Variants in LIMCH1 observed in about 807,000 individuals in gnomAD.
LIMCH1 encodes the protein LIM and calponin homology domains-containing protein 1.
In LIMCH1, 113 loss-of-function variants were observed where a neutral mutation model predicts 176.5. That is an observed-to-expected ratio of 0.64 (90% CI 0.55 to 0.75). The LOEUF (loss-of-function observed/expected upper bound fraction) is 0.75, where lower values mean the gene tolerates loss of function less well. Among genes scored for constraint, LIMCH1 ranks in the 30% least tolerant of loss-of-function variants. The probability of loss-of-function intolerance (pLI) is 0.00; values close to 1 mark genes in which losing one functional copy is unlikely to be tolerated. For missense variants in LIMCH1, 1,674 were observed against 1,814.9 expected, an observed-to-expected ratio of 0.92 and a Z score of 1.41; for synonymous variants, 619 against 645.9, an observed-to-expected ratio of 0.96 and a Z score of 0.63.
At chr4:41,652,662 T>C (rs1489656413) in intron 18 of LIMCH1, among the ~76,000 whole-genome samples, 1 of 152,210 alleles carries the variant, frequency 6.6e-6, no homozygotes, top group Non-Finnish European at 1.5e-5. Flanking sequence ...TATTTCTCTT[T>C]TGCCATTTTT....
chr4:41,431,421 G>C (rs1582058938), intron 1 of LIMCH1, among the ~76,000 whole-genome samples: 2 of 152,310 alleles, frequency 1.3e-5, no homozygotes, highest in South Asian at 4.1e-4. Context: ...TCAGTGGCTT[G>C]TTGTGAGGGT....
At position 41,601,819 on chromosome 4, in the gene LIMCH1, T is replaced by A. The variant is rs182859506; in HGVS notation, c.-133-2056T>A. On this transcript the variant is annotated intron_variant, in intron 2 of 31. Transcript: ENST00000503057. ...GTTTAATTTGGCACTGTGCAGGGAA[T>A]GCTTGTAACATATGCAGATTTTGTA... is the stretch of plus-strand genomic sequence containing the variant. Among the ~76,000 whole-genome samples the A allele has an allele frequency of 1.8e-4, 28 of 152,296 alleles. 1 individual carries two copies. In the East Asian group the frequency reaches 4.8e-3, roughly 26 times the overall value.
At chr4:41,657,598 T>C (rs1358347947) in intron 18 of LIMCH1, among the ~76,000 whole-genome samples, 1 of 152,246 alleles carries the variant, frequency 6.6e-6, no homozygotes, top group East Asian at 1.9e-4. Context: ...GTGTATAAAG[T>C]ATTTTTAAGT....
intron 14 of LIMCH1, among the ~76,000 whole-genome samples, chr4:41,641,892 C>G (rs956693636): frequency 1.3e-5 from 2 of 152,224 alleles, no homozygotes; most frequent in African/African-American, 4.8e-5. Flanking sequence ...TTTTATTTAA[C>G]TAACTGGCTT....
chr4:41,676,590 GTCAGT>G, intron 23 of LIMCH1, 128 bp downstream of exon 23: 1 of 709,542 alleles, frequency 1.4e-6, no homozygotes, highest in Non-Finnish European at 2.5e-6. Flanking sequence ...TGAGTCTCAA[GTCAGT>G]TCATTTTGTG....
intron 1 of LIMCH1, among the ~76,000 whole-genome samples, chr4:41,382,377 C>T (rs1334494749): frequency 3.4e-5 from 4 of 118,678 alleles, no homozygotes; most frequent in Admixed American, 2.0e-4. Context: ...ACTGGGGACA[C>T]GGTTATTCAT....
intron 14 of LIMCH1, among the ~76,000 whole-genome samples, chr4:41,643,757 A>C (rs1389758706): frequency 1.3e-5 from 2 of 152,174 alleles, no homozygotes; most frequent in Admixed American, 6.5e-5. Context: ...ATATATACCT[A>C]ATTTATGTGT....
At chr4:41,658,241 T>C (rs1001139286) in intron 18 of LIMCH1, among the ~76,000 whole-genome samples, 1 of 152,226 alleles carries the variant, frequency 6.6e-6, no homozygotes, top group African/African-American at 2.4e-5. Context: ...ACGATTCTTA[T>C]GAAAGGCCCA....
chr4:41,547,865 A>G (rs188928621), intron 1 of LIMCH1, among the ~76,000 whole-genome samples: 1,167 of 93,634 alleles, frequency 0.012, no homozygotes, highest in African/African-American at 0.015. Context: ...GTGTGTGTGT[A>G]TATATATATA....
At chr4:41,490,836 A>G (rs1466006776) in intron 1 of LIMCH1, among the ~76,000 whole-genome samples, 1 of 151,974 alleles carries the variant, frequency 6.6e-6, no homozygotes, top group Non-Finnish European at 1.5e-5. Flanking sequence ...GTGGCCTGGC[A>G]GAGGCGCTCC....
chr4:41,669,810 G>A (rs960369784), intron 21 of LIMCH1, among the ~76,000 whole-genome samples: 12 of 152,172 alleles, frequency 7.9e-5, no homozygotes, highest in Non-Finnish European at 4.4e-5. Context: ...CCATTTAAGG[G>A]ACTGATCTGA....
At chr4:41,504,971 C>G (rs1416802173) in intron 2 of LIMCH1, among the ~76,000 whole-genome samples, 1 of 152,174 alleles carries the variant, frequency 6.6e-6, no homozygotes, top group Non-Finnish European at 1.5e-5. Context: ...GGCTAGTAAC[C>G]TAACCTCTTT....
intron 1 of LIMCH1, among the ~76,000 whole-genome samples, chr4:41,375,322 A>G (rs2054572836): frequency 6.6e-6 from 1 of 152,126 alleles, no homozygotes; most frequent in African/African-American, 2.4e-5. Flanking sequence ...TAGAGGTATC[A>G]CTGAATGTCA....
At chr4:41,381,158 A>C (rs2055598434) in intron 1 of LIMCH1, among the ~76,000 whole-genome samples, 2 of 152,218 alleles carry the variant, frequency 1.3e-5, no homozygotes, top group South Asian at 4.1e-4. Flanking sequence ...TCTTAAACTA[A>C]TATCTTAATA....
chr4:41,626,787 C>T lies in LIMCH1; in HGVS notation c.805C>T (p.His269Tyr), dbSNP rs1160750775. ...RKENSFLTHQ[H>Y]GNDSEAEGEV... ...AGAAAACTCTTTCCTGACCCACCAACATGGCAACGATTCAGAGGCAGAAGG... is the reference window on the plus strand; with the variant it reads ...AGAAAACTCTTTCCTGACCCACCAATATGGCAACGATTCAGAGGCAGAAGG... Residue 269 changes from histidine (H) to tyrosine (Y), a missense_variant, in exon 8 of 32, where the codon CAT becomes TAT. Physicochemically the swap from His to Tyr is moderately conservative, Grantham distance 83 (BLOSUM62 2). Coordinates refer to ENST00000503057, the MANE Select transcript of LIMCH1 (RefSeq NM_001330672.2). 2.0e-6 allele frequency: 3 copies of T among 1,536,268 alleles called. No homozygotes were observed. Among genetic ancestry groups the T allele is most frequent in the Non-Finnish European group, 1.7e-6 (2 of 1,146,968 alleles).
At chr4:41,543,128 G>T (rs2078897351) in intron 1 of LIMCH1, among the ~76,000 whole-genome samples, 1 of 152,176 alleles carries the variant, frequency 6.6e-6, no homozygotes, top group African/African-American at 2.4e-5. Context: ...AGAGATGTGG[G>T]TGTTCATTCC....
intron 2 of LIMCH1, among the ~76,000 whole-genome samples, chr4:41,497,437 A>G (rs2072391000): frequency 6.6e-6 from 1 of 152,200 alleles, no homozygotes; most frequent in Non-Finnish European, 1.5e-5. Context: ...GAATATTATT[A>G]TACCTATTTT....
chr4:41,557,135 T>C (rs2081376480), intron 1 of LIMCH1, among the ~76,000 whole-genome samples: 1 of 152,168 alleles, frequency 6.6e-6, no homozygotes, highest in Non-Finnish European at 1.5e-5. Flanking sequence ...AGACCTTCCT[T>C]GTGTTCTAAT....
chr4:41,456,914 C>G (rs2064679790), intron 1 of LIMCH1, among the ~76,000 whole-genome samples: 1 of 152,074 alleles, frequency 6.6e-6, no homozygotes, highest in Non-Finnish European at 1.5e-5. Context: ...GTGGCCCGGG[C>G]TCCCTCACAG....
Sources: allele counts gnomAD v4.1 joint callset (sites outside exome capture counted in the v4.1 genomes callset), GRCh38; gene constraint gnomAD v4.1.1; transcripts MANE v1.5; gene names NCBI Gene and HGNC (gene_info 2026-07-23, HGNC 2026-07-21).